Variants in ARHGEF28 observed in about 807,000 individuals in gnomAD.
ARHGEF28 encodes the protein 190 kDa guanine nucleotide exchange factor.
ARHGEF28 carries 152 observed loss-of-function variants against 206.6 expected under a neutral mutation model. The ratio of observed to expected loss-of-function variants is 0.74; its 90% CI spans 0.64 to 0.84. The LOEUF (loss-of-function observed/expected upper bound fraction) is 0.84. ARHGEF28 is among the 40% of genes least tolerant of loss of function. The pLI, the probability that ARHGEF28 is intolerant of heterozygous loss-of-function variation, is 0.00. For synonymous variants in ARHGEF28, 763 were observed against 776.4 expected (o/e 0.98, Z 0.29); for missense variants, 2,028 against 2,073.2 (o/e 0.98, Z 0.42).
chr5:73,841,712 G>GAAAAAAAAAAAAAAAAAAAAAAAAAAA (rs33935657), intron 11 of ARHGEF28, among the ~76,000 whole-genome samples: 1 of 110,830 alleles, frequency 9.0e-6, no homozygotes, highest in East Asian at 2.3e-4. Context: ...TCAAAAAGAA[G>GAAAAAAAAAAAAAAAAAAAAAAAAAAA]AAAAAAAAAA....
intron 28 of ARHGEF28, among the ~76,000 whole-genome samples, chr5:73,893,962 T>G: frequency 6.6e-6 from 1 of 152,208 alleles, no homozygotes; most frequent in Non-Finnish European, 1.5e-5. Flanking sequence ...AAATTGGATG[T>G]TTAGAAACAA....
chr5:73,904,553 A>G (rs1762448291), intron 33 of ARHGEF28, 148 bp downstream of exon 33: 1 of 839,250 alleles, frequency 1.2e-6, no homozygotes, highest in Non-Finnish European at 1.8e-6. Flanking sequence ...GATGTGTTGG[A>G]CTCACATGGT....
At chr5:73,631,737 G>A (rs1429152054) in intron 1 of ARHGEF28, among the ~76,000 whole-genome samples, 2 of 152,086 alleles carry the variant, frequency 1.3e-5, no homozygotes, top group East Asian at 3.9e-4. Flanking sequence ...CTCCAGTTCT[G>A]TTAGCCAGGA....
chr5:73,731,398 T>C (rs185286526), intron 2 of ARHGEF28, among the ~76,000 whole-genome samples: 1 of 152,332 alleles, frequency 6.6e-6, no homozygotes, highest in East Asian at 1.9e-4. Flanking sequence ...ATGCCTTTGC[T>C]TGGCTATTAA....
At chr5:73,889,480 G>A (rs1406572537) in intron 26 of ARHGEF28, among the ~76,000 whole-genome samples, 1 of 152,250 alleles carries the variant, frequency 6.6e-6, no homozygotes, top group Non-Finnish European at 1.5e-5. Context: ...ACTGAGTCTA[G>A]GAGGAATCTC....
At chr5:73,921,978 C>T (rs1378535191) in intron 35 of ARHGEF28, among the ~76,000 whole-genome samples, 1 of 152,190 alleles carries the variant, frequency 6.6e-6, no homozygotes, top group Non-Finnish European at 1.5e-5. Flanking sequence ...CTCTAAGAGT[C>T]TCATAAATCC....
Position 73,657,114 on chromosome 5 carries a change from A to G in ARHGEF28, c.-11-27727A>G, listed in dbSNP as rs372061530. On this transcript the variant is annotated intron_variant, in intron 1 of 35. Coordinates refer to ENST00000513042, the MANE Select transcript of ARHGEF28 (RefSeq NM_001177693.2). Reference sequence around the variant, plus strand: ...GGAGAACCTGGGAGGCAGAGTTTGCAGTGAGCCGAGATTGCGCCACTGCTC... The same window carrying G: ...GGAGAACCTGGGAGGCAGAGTTTGCGGTGAGCCGAGATTGCGCCACTGCTC... 1.5e-4 allele frequency among the ~76,000 whole-genome samples: 22 copies of G among 146,252 alleles called. No individual in the cohort carries two copies. The East Asian group carries it at 2.5e-3, about 17-fold the overall frequency.
At chr5:73,728,084 T>C (rs1750389193) in intron 2 of ARHGEF28, among the ~76,000 whole-genome samples, 1 of 152,206 alleles carries the variant, frequency 6.6e-6, no homozygotes, top group African/African-American at 2.4e-5. Flanking sequence ...TTCGTCTTGT[T>C]AGTGTTGGTC....
intron 11 of ARHGEF28, among the ~76,000 whole-genome samples, 165 bp from the exon 12 acceptor site, chr5:73,846,103 T>TGGAG (rs1758335999): frequency 6.6e-6 from 1 of 152,004 alleles, no homozygotes; most frequent in Non-Finnish European, 1.5e-5. Context: ...AAAAGAGATT[T>TGGAG]GGAGGGAGGA....
At chr5:73,772,128 A>T (rs552423705) in intron 4 of ARHGEF28, among the ~76,000 whole-genome samples, 1 of 152,286 alleles carries the variant, frequency 6.6e-6, no homozygotes, top group Admixed American at 6.5e-5. Flanking sequence ...TAAATAATTA[A>T]AAATGTAAAC....
chr5:73,775,649 G>A lies in ARHGEF28; in HGVS notation c.660-867G>A, dbSNP rs568536928. Among the ~76,000 whole-genome samples the A allele has an allele frequency of 3.9e-5, 6 of 152,292 alleles. No homozygotes were observed. In the East Asian group the frequency reaches 9.7e-4, roughly 25 times the overall value. Reference sequence around the variant, plus strand: ...TGTTAAAAGAGGAAAGGGGCATAGAGCTAGTTCTGTGAATTGAGGAATCTG... The same window carrying A: ...TGTTAAAAGAGGAAAGGGGCATAGAACTAGTTCTGTGAATTGAGGAATCTG... On this transcript the variant is annotated intron_variant, in intron 5 of 35. Coordinates refer to ENST00000513042, the MANE Select transcript of ARHGEF28 (RefSeq NM_001177693.2).
At chr5:73,634,817 T>C (rs1743596767) in intron 1 of ARHGEF28, among the ~76,000 whole-genome samples, 1 of 152,242 alleles carries the variant, frequency 6.6e-6, no homozygotes, top group South Asian at 2.1e-4. Context: ...CAAATAGACA[T>C]GGAGGAAATC....
At chr5:73,797,435 C>G (rs1580631368) in intron 9 of ARHGEF28, among the ~76,000 whole-genome samples, 1 of 152,268 alleles carries the variant, frequency 6.6e-6, no homozygotes, top group South Asian at 2.1e-4. Context: ...GAGTTTTGCT[C>G]TGTTAGCCAG....
chr5:73,707,340 G>A (rs528513548), intron 2 of ARHGEF28, among the ~76,000 whole-genome samples: 52 of 152,190 alleles, frequency 3.4e-4, no homozygotes, highest in Non-Finnish European at 6.9e-4. Context: ...GTAAAGTGTG[G>A]AAGGAAATCC....
intron 2 of ARHGEF28, among the ~76,000 whole-genome samples, chr5:73,700,655 G>C (rs553371788): frequency 6.6e-6 from 1 of 152,270 alleles, no homozygotes; most frequent in Non-Finnish European, 1.5e-5. Flanking sequence ...ACAAAGATAT[G>C]ATAAGTGCAA....
intron 11 of ARHGEF28, among the ~76,000 whole-genome samples, chr5:73,842,090 G>A (rs1758023984): frequency 6.6e-6 from 1 of 152,054 alleles, no homozygotes; most frequent in Non-Finnish European, 1.5e-5. Context: ...ATCTGTATCT[G>A]TCTATCTGAT....
intron 3 of ARHGEF28, among the ~76,000 whole-genome samples, chr5:73,750,210 G>C (rs1751953144): frequency 6.6e-6 from 1 of 152,146 alleles, no homozygotes; most frequent in Admixed American, 6.5e-5. Context: ...AGACCAGGCA[G>C]ACCCATCCTA....
At chr5:73,860,095 A>G (rs927532962) in intron 16 of ARHGEF28, among the ~76,000 whole-genome samples, 2 of 152,126 alleles carry the variant, frequency 1.3e-5, no homozygotes, top group African/African-American at 4.8e-5. Context: ...TCCGTGGCAC[A>G]CTACTCTTCT....
In ARHGEF28 at chr5:73,711,482, G is replaced by T. The variant is rs539046275; in HGVS notation, c.33+26598G>T. Among the ~76,000 whole-genome samples the T allele has an allele frequency of 5.9e-5, 9 of 152,084 alleles. No individual in the cohort carries two copies. In the South Asian group the frequency reaches 1.5e-3, roughly 25 times the overall value. ...ACATTGTATGTTCTCCATTAATTTA[G>T]GTCTTATTTTATTTCTTTCATCAGG... On this transcript the variant is annotated intron_variant, in intron 2 of 35. Transcript: ENST00000513042.
Sources: gnomAD v4.1 joint callset for allele counts (sites outside exome capture counted in the v4.1 genomes callset) on GRCh38, gnomAD v4.1.1 for gene constraint, MANE v1.5 for transcripts, NCBI Gene and HGNC (gene_info 2026-07-23, HGNC 2026-07-21) for gene names.